Variants in AGAP1 observed in about 807,000 individuals in gnomAD.
AGAP1 encodes the protein arf-GAP with GTPase, ANK repeat and PH domain-containing protein 1.
AGAP1 carries 29 observed loss-of-function variants against 105.3 expected under a neutral mutation model. That is an observed-to-expected ratio of 0.28 (90% CI 0.21 to 0.38). The LOEUF (loss-of-function observed/expected upper bound fraction) is 0.38. Ranked by LOEUF, AGAP1 falls within the 10% of genes least tolerant of loss-of-function variation. The probability of loss-of-function intolerance (pLI) is 1.00; values close to 1 mark genes in which losing one functional copy is unlikely to be tolerated. For synonymous variants in AGAP1, 509 were observed against 485.9 expected, an observed-to-expected ratio of 1.05 and a Z score of -0.63; for missense variants, 998 against 1,165.1, an observed-to-expected ratio of 0.86 and a Z score of 2.09.
At chr2:235,573,057 CTTCTTT>C (rs1944615262) in intron 1 of AGAP1, among the ~76,000 whole-genome samples, 1 of 66,678 alleles carries the variant, frequency 1.5e-5, no homozygotes, top group Non-Finnish European at 3.1e-5. Flanking sequence ...TCTTCTTCTT[CTTCTTT>C]CTTCTTTCTT....
At chr2:236,033,886 AT>A (rs547197057) in intron 13 of AGAP1, among the ~76,000 whole-genome samples, 1 of 152,290 alleles carries the variant, frequency 6.6e-6, no homozygotes, top group African/African-American at 2.4e-5. Context: ...AATGGTTGTA[AT>A]TTTTTTCACT....
At chr2:235,595,580 T>A (rs909319793) in intron 1 of AGAP1, among the ~76,000 whole-genome samples, 2 of 152,212 alleles carry the variant, frequency 1.3e-5, no homozygotes, top group African/African-American at 4.8e-5. Context: ...AAGTGAAGGC[T>A]GGATTTTTGG....
intron 3 of AGAP1, chr2:235,718,273 C>A: frequency 1.5e-6 from 1 of 648,640 alleles, no homozygotes; most frequent in Non-Finnish European, 1.9e-6. Context: ...AGTTGACAAG[C>A]AGTTTTCTAA....
At chr2:235,667,912 C>T (rs529351781) in intron 1 of AGAP1, among the ~76,000 whole-genome samples, 22 of 134,346 alleles carry the variant, frequency 1.6e-4, no homozygotes, top group African/African-American at 6.4e-4. Context: ...GAGCCGAGAT[C>T]GTGCCATTGA....
rs555525802 is a variant in AGAP1 at position 235,857,445 on chromosome 2, T to C, written c.1051-25900T>C. On this transcript the variant is annotated intron_variant, in intron 9 of 17. Coordinates refer to ENST00000304032, the MANE Select transcript of AGAP1 (RefSeq NM_001037131.3). ...TTTGACGAGCGTCCCCAAGGAGACCTCAGACACAGGTTCCTGCCTTGCAGG... is the reference window on the plus strand; with the variant it reads ...TTTGACGAGCGTCCCCAAGGAGACCCCAGACACAGGTTCCTGCCTTGCAGG... 3.9e-5 allele frequency among the ~76,000 whole-genome samples: 6 copies of C among 152,294 alleles called. No individual in the cohort carries two copies. The East Asian group carries it at 5.8e-4, about 15-fold the overall frequency.
rs1952809984 is a variant in AGAP1 at position 235,744,912 on chromosome 2, A to T, written c.538+73A>T. 1 of 1,542,462 alleles carries T rather than the reference A, an allele frequency of 6.5e-7. No individual in the cohort carries two copies. On this transcript the variant is annotated intron_variant, in intron 5 of 17. Transcript: ENST00000304032. This position sits in a 1 kb window ranked among gnomAD's most constrained non-coding sequence, Gnocchi z 5.2. ...ACATATTTTCAGTATGGAGGAGTTT[A>T]AAAAATGCTTTAAAGAAGGAAAAAT...
chr2:235,671,747 C>G (rs949888076), intron 1 of AGAP1, among the ~76,000 whole-genome samples: 30 of 152,222 alleles, frequency 2.0e-4, no homozygotes, highest in African/African-American at 7.0e-4. Context: ...AAAACCGCAG[C>G]CCTGCAGCCT....
At chr2:235,676,199 A>G (rs537702363) in intron 1 of AGAP1, among the ~76,000 whole-genome samples, 1 of 152,322 alleles carries the variant, frequency 6.6e-6, no homozygotes, top group East Asian at 1.9e-4. Context: ...CTCATGGGGT[A>G]CTTGAGGGAT....
chr2:236,060,251 A>T (rs2058154959), intron 16 of AGAP1, among the ~76,000 whole-genome samples: 1 of 152,270 alleles, frequency 6.6e-6, no homozygotes, highest in African/African-American at 2.4e-5. Context: ...AAGCAATAAA[A>T]GAAAAAATAG....
intron 6 of AGAP1, chr2:235,773,994 A>G (rs1190967172): frequency 2.1e-6 from 1 of 470,460 alleles, no homozygotes. Flanking sequence ...TAAGATTTTT[A>G]ACAAAAATAA....
In AGAP1 at chr2:235,633,555, T is replaced by C. The variant is rs1946896193; in HGVS notation, c.164-75624T>C. Among the ~76,000 whole-genome samples, 1 of 152,070 alleles carries C rather than the reference T, an allele frequency of 6.6e-6. No individual in the cohort carries two copies. Among genetic ancestry groups the C allele is most frequent in the Non-Finnish European group, 1.5e-5 (1 of 68,004 alleles). ...TTGCAGTGAGTCAAGATCGCACCATTGCACTCCAGCCTGGGTGACAAGAGC... is the reference window on the plus strand; with the variant it reads ...TTGCAGTGAGTCAAGATCGCACCATCGCACTCCAGCCTGGGTGACAAGAGC... On this transcript the variant is annotated intron_variant, in intron 1 of 17. Coordinates refer to ENST00000304032, the MANE Select transcript of AGAP1 (RefSeq NM_001037131.3). This position sits in a 1 kb window ranked among gnomAD's most constrained non-coding sequence, Gnocchi z 4.8.
At chr2:235,542,102 G>C (rs535785740) in intron 1 of AGAP1, among the ~76,000 whole-genome samples, 1 of 152,184 alleles carries the variant, frequency 6.6e-6, no homozygotes, top group Non-Finnish European at 1.5e-5. Flanking sequence ...TGCAAACAGG[G>C]TTATTGCTCT....
intron 1 of AGAP1, among the ~76,000 whole-genome samples, chr2:235,497,676 A>G (rs964824971): frequency 3.9e-5 from 6 of 152,326 alleles, no homozygotes; most frequent in African/African-American, 1.4e-4. Context: ...GGCTCACTGC[A>G]GGCTCCGCCC....
intron 13 of AGAP1, among the ~76,000 whole-genome samples, chr2:235,980,905 G>C (rs1217765299): frequency 6.6e-6 from 1 of 152,168 alleles, no homozygotes; most frequent in Non-Finnish European, 1.5e-5. Flanking sequence ...GCATGATGTT[G>C]CCTCTTAAGA....
At chr2:235,898,413 A>G (rs1316846537) in intron 10 of AGAP1, among the ~76,000 whole-genome samples, 1 of 151,558 alleles carries the variant, frequency 6.6e-6, no homozygotes, top group Admixed American at 6.6e-5. Flanking sequence ...AAAAAAAAAA[A>G]GGTGGGGGAA....
intron 11 of AGAP1, among the ~76,000 whole-genome samples, chr2:235,914,140 T>C (rs1025257856): frequency 6.6e-6 from 1 of 152,220 alleles, no homozygotes; most frequent in African/African-American, 2.4e-5. Flanking sequence ...GCCATCTTGC[T>C]GAACTCTTGT....
rs901643084 is a variant in AGAP1 at position 235,659,663 on chromosome 2, A to G, written c.164-49516A>G. 2.6e-5 allele frequency among the ~76,000 whole-genome samples: 4 copies of G among 152,076 alleles called. No homozygotes were observed. Among genetic ancestry groups the G allele is most frequent in the Admixed American group, 6.5e-5 (1 of 15,280 alleles). ...CGAGGGCTGTCAGATCCCTGCATCA[A>G]CTCTGGGGATGGGTTCAATTATTAT... On this transcript the variant is annotated intron_variant, in intron 1 of 17. Transcript: ENST00000304032. The surrounding 1 kb of genome is among the most constrained non-coding windows in gnomAD (Gnocchi z 5.0).
chr2:235,521,945 C>T (rs1942640216), intron 1 of AGAP1, among the ~76,000 whole-genome samples: 1 of 152,246 alleles, frequency 6.6e-6, no homozygotes, highest in African/African-American at 2.4e-5. Flanking sequence ...AATAAGTGTG[C>T]CACCAGCAAT....
intron 8 of AGAP1, among the ~76,000 whole-genome samples, chr2:235,804,742 C>A (rs1462121894): frequency 1.3e-5 from 2 of 152,178 alleles, no homozygotes; most frequent in African/African-American, 4.8e-5. Flanking sequence ...GGAGGCTAAG[C>A]AGTTACTATG....
Sources: gnomAD v4.1 joint callset for allele counts (sites outside exome capture counted in the v4.1 genomes callset) on GRCh38, gnomAD v4.1.1 for gene constraint, Gnocchi (gnomAD v3.1) non-coding constraint, MANE v1.5 for transcripts, NCBI Gene and HGNC (gene_info 2026-07-23, HGNC 2026-07-21) for gene names.